DESI2: variants seen among roughly 807,000 people sequenced by gnomAD.
DESI2 encodes the protein deubiquitinase DESI2.
DESI2 carries 10 observed loss-of-function variants against 24.1 expected under a neutral mutation model. The observed-to-expected ratio is 0.41, with a 90% CI of 0.26 to 0.70. DESI2 has a LOEUF of 0.70. Ranked by LOEUF, DESI2 falls within the 30% of genes least tolerant of loss-of-function variation. The pLI, the probability that DESI2 is intolerant of heterozygous loss-of-function variation, is 0.29. For synonymous variants in DESI2, 71 were observed against 87.7 expected (o/e 0.81, Z 1.06); for missense variants, 122 against 234.9 (o/e 0.52, Z 3.14).
chr1:244,694,741 C>T, intron 4 of DESI2: 1 of 627,336 alleles, frequency 1.6e-6, no homozygotes, highest in Non-Finnish European at 2.9e-6. Context: ...TGGCTAAGAC[C>T]AGAGAGATTC....
At chr1:244,656,011 C>G (rs965772916) in intron 1 of DESI2, among the ~76,000 whole-genome samples, 1 of 152,150 alleles carries the variant, frequency 6.6e-6, no homozygotes, top group African/African-American at 2.4e-5. Context: ...ACTAATTTTT[C>G]TCAAGTCAGT....
In DESI2 at chr1:244,658,126, G is replaced by A. The variant is rs12123489; in HGVS notation, c.42+4771G>A. On this transcript the variant is annotated intron_variant, in intron 1 of 4. Coordinates refer to ENST00000302550, the MANE Select transcript of DESI2 (RefSeq NM_016076.5). The stretch of plus-strand genomic sequence containing the variant: ...GGCCCTCATCTCTATTCATATAATA[G>A]CCTCCTTACGAGTTTCAGTCTCTAG... Among the ~76,000 whole-genome samples the A allele has an allele frequency of 2.0e-5, 3 of 152,188 alleles. No homozygotes were observed. The South Asian group carries it at 6.2e-4, about 32-fold the overall frequency.
chr1:244,681,217 A>G (rs1413276076), intron 1 of DESI2, among the ~76,000 whole-genome samples: 1 of 152,174 alleles, frequency 6.6e-6, no homozygotes, highest in Admixed American at 6.5e-5. Context: ...AGATCTGGAC[A>G]GTATGTTCAT....
intron 1 of DESI2, among the ~76,000 whole-genome samples, chr1:244,674,152 G>T (rs1302286052): frequency 6.6e-6 from 1 of 151,642 alleles, no homozygotes; most frequent in Non-Finnish European, 1.5e-5. Flanking sequence ...CCGCCACCAC[G>T]CCCAGCTAAT....
In DESI2 at chr1:244,705,818, G is replaced by A; in HGVS notation, c.*29G>A. The A allele has an allele frequency of 6.7e-7, 1 of 1,498,790 alleles. No homozygotes were observed. Among genetic ancestry groups the A allele is most frequent in the Non-Finnish European group, 9.2e-7 (1 of 1,091,490 alleles). The allele number at this position is 1,498,790 out of a possible 1,614,324, so 92.8% of individuals were successfully genotyped here. Reference sequence around the variant, plus strand: ...TCTCCAAAGTCACACATTCAGAACTGTCTCTGGCAGTCGAATATCACTAGA... The same window carrying A: ...TCTCCAAAGTCACACATTCAGAACTATCTCTGGCAGTCGAATATCACTAGA... On this transcript the variant is annotated 3_prime_UTR_variant, in exon 5 of 5. Transcript: ENST00000302550.
chr1:244,679,425 A>G (rs1006061832), intron 1 of DESI2, among the ~76,000 whole-genome samples: 1 of 152,216 alleles, frequency 6.6e-6, no homozygotes, highest in Non-Finnish European at 1.5e-5. Flanking sequence ...CAATCTGTAT[A>G]TACCCTTCAT....
chr1:244,658,908 G>A (rs1675740512), intron 1 of DESI2, among the ~76,000 whole-genome samples: 1 of 152,072 alleles, frequency 6.6e-6, no homozygotes, highest in Non-Finnish European at 1.5e-5. Context: ...TTTTTAATAA[G>A]TTTATTTCTT....
At chr1:244,687,126 G>T (rs1676853040) in intron 2 of DESI2, among the ~76,000 whole-genome samples, 1 of 152,166 alleles carries the variant, frequency 6.6e-6, no homozygotes, top group African/African-American at 2.4e-5. Flanking sequence ...AATTTGGTTT[G>T]TAGACCTATA....
Position 244,689,440 on chromosome 1 carries a change from A to G in DESI2, c.209+98A>G. The G allele has an allele frequency of 1.6e-6, 1 of 615,112 alleles. No individual in the cohort carries two copies. Among genetic ancestry groups the G allele is most frequent in the Non-Finnish European group, 2.9e-6 (1 of 342,912 alleles). The allele number at this position is 615,112 out of a possible 1,614,324, so 38.1% of individuals were successfully genotyped here. ...TCTGTAAATCAAAACAAACCCAAGA[A>G]GTTAAAAATGTCTCTTTGTTTTAAT... On this transcript the variant is annotated intron_variant, in intron 3 of 4. Transcript: ENST00000302550. The surrounding 1 kb of genome is among the most constrained non-coding windows in gnomAD (Gnocchi z 4.0).
chr1:244,663,819 C>T (rs1416337421), intron 1 of DESI2, among the ~76,000 whole-genome samples: 1 of 151,708 alleles, frequency 6.6e-6, no homozygotes, highest in African/African-American at 2.4e-5. Context: ...GAGATCGAGA[C>T]CATCCTGGCT....
chr1:244,664,033 A>G (rs926655615), intron 1 of DESI2, among the ~76,000 whole-genome samples: 1 of 150,306 alleles, frequency 6.7e-6, no homozygotes, highest in African/African-American at 2.5e-5. Flanking sequence ...AAAAAAAAAA[A>G]AAAAAAAAAA....
intron 1 of DESI2, chr1:244,654,047 C>T (rs538914302): frequency 2.1e-6 from 1 of 470,184 alleles, no homozygotes; most frequent in East Asian, 7.0e-5. Flanking sequence ...GGTGACGTGA[C>T]CACGGGAGAG....
chr1:244,705,823 T>C lies in DESI2; in HGVS notation c.*34T>C, dbSNP rs777956359. On this transcript the variant is annotated 3_prime_UTR_variant, in exon 5 of 5. Coordinates refer to ENST00000302550, the MANE Select transcript of DESI2 (RefSeq NM_016076.5). ...AAAGTCACACATTCAGAACTGTCTCTGGCAGTCGAATATCACTAGAGAAAA... is the reference window on the plus strand; with the variant it reads ...AAAGTCACACATTCAGAACTGTCTCCGGCAGTCGAATATCACTAGAGAAAA... 19 of 1,469,708 alleles carry C rather than the reference T, an allele frequency of 1.3e-5. No homozygotes were observed. The highest frequency in any genetic ancestry group is 1.5e-5 in the Non-Finnish European group (16 of 1,065,900). The allele number at this position is 1,469,708 out of a possible 1,614,324, so 91.0% of individuals were successfully genotyped here.
intron 1 of DESI2, among the ~76,000 whole-genome samples, chr1:244,666,964 T>C (rs754889236): frequency 2.0e-5 from 3 of 152,044 alleles, no homozygotes; most frequent in Non-Finnish European, 4.4e-5. Flanking sequence ...ATCACGAGAA[T>C]AGCATGGTAA....
intron 1 of DESI2, among the ~76,000 whole-genome samples, chr1:244,667,741 C>G (rs960252792): frequency 2.0e-5 from 3 of 152,186 alleles, no homozygotes; most frequent in Non-Finnish European, 4.4e-5. Context: ...TCAGTCCTGA[C>G]TCTTACTCTG....
chr1:244,681,715 C>G (rs1256886737), intron 1 of DESI2, among the ~76,000 whole-genome samples: 1 of 152,136 alleles, frequency 6.6e-6, no homozygotes, highest in Non-Finnish European at 1.5e-5. Flanking sequence ...TTCATTTTGT[C>G]CTTAGTATAT....
chr1:244,686,768 C>G, intron 2 of DESI2, 99 bp downstream of exon 2: 2 of 696,942 alleles, frequency 2.9e-6, no homozygotes, highest in Non-Finnish European at 4.9e-6. Context: ...TAACCACTTG[C>G]ATATGTTATT....
chr1:244,700,631 GTAGATGAAAC>G (rs1677411316), intron 4 of DESI2, among the ~76,000 whole-genome samples: 1 of 152,246 alleles, frequency 6.6e-6, no homozygotes, highest in Admixed American at 6.5e-5. Context: ...ACCCCCACCA[GTAGATGAAAC>G]TAGGACTTTT....
chr1:244,664,860 C>T (rs932009973), intron 1 of DESI2, among the ~76,000 whole-genome samples: 32 of 152,232 alleles, frequency 2.1e-4, no homozygotes, highest in Admixed American at 1.9e-3. Context: ...CTTTCATCTT[C>T]CAGTCCTTCC....
Sources: allele counts gnomAD v4.1 joint callset (sites outside exome capture counted in the v4.1 genomes callset), GRCh38; gene constraint gnomAD v4.1.1; non-coding constraint Gnocchi (gnomAD v3.1); transcripts MANE v1.5; gene names NCBI Gene and HGNC (gene_info 2026-07-23, HGNC 2026-07-21).